Variants in RNF157 observed in about 807,000 individuals in gnomAD.
The protein encoded by RNF157 is ring finger protein 157, also known as E3 ubiquitin ligase RNF157.
In RNF157, 55 loss-of-function variants were observed where a neutral mutation model predicts 88.3. The observed-to-expected ratio is 0.62, with a 90% CI of 0.50 to 0.78. RNF157 has a LOEUF of 0.78. RNF157 is among the 30% of genes least tolerant of loss of function. RNF157 has a pLI of 0.00. For missense variants in RNF157, 788 were observed against 860.8 expected (o/e 0.92, Z 1.06); for synonymous variants, 334 against 341.2 (o/e 0.98, Z 0.23).
intron 2 of RNF157, among the ~76,000 whole-genome samples, chr17:76,191,894 G>A (rs1351686677): frequency 6.6e-6 from 1 of 152,110 alleles, no homozygotes; most frequent in Admixed American, 6.5e-5. Flanking sequence ...TGCTGCTTAG[G>A]GACAAAATTT....
intron 2 of RNF157, among the ~76,000 whole-genome samples, chr17:76,210,467 G>C (rs866575118): frequency 4.4e-4 from 67 of 150,568 alleles, no homozygotes; most frequent in South Asian, 6.3e-4. Context: ...GCGGGTGCCT[G>C]TAGTCCCAGC....
At chr17:76,226,590 T>A (rs2070090656) in intron 1 of RNF157, 1 of 1,613,456 alleles carries the variant, frequency 6.2e-7, no homozygotes, top group South Asian at 1.1e-5. Flanking sequence ...TCCTTGCTGT[T>A]GTTGGAGGGA....
In RNF157 at chr17:76,167,146, G is replaced by A; in HGVS notation, c.444-20C>T. On this transcript the variant is annotated intron_variant, in intron 4 of 18. Transcript: ENST00000269391. ...ATGTAGCTATTGATACAAGTGGGAG[G>A]CAAAGCAAAAGTCAGTATCCGGCAC... is the stretch of plus-strand genomic sequence containing the variant. 1.9e-6 allele frequency: 3 copies of A among 1,589,462 alleles called. No individual in the cohort carries two copies. Among genetic ancestry groups the A allele is most frequent in the Non-Finnish European group, 1.7e-6 (2 of 1,159,716 alleles).
Position 76,166,993 on chromosome 17 carries a change from C to T in RNF157, c.561+16G>A, listed in dbSNP as rs369102696. The T allele has an allele frequency of 7.4e-5, 118 of 1,584,552 alleles. 1 individual carries two copies. The African/African-American group carries it at 1.5e-3, about 20-fold the overall frequency. On this transcript the variant is annotated intron_variant, in intron 5 of 18. Transcript: ENST00000269391. ...TTCTGAGTGGATGTGGGAAACCCTCCCCAGAGGCAGCTCACCTCCTCTTCG... is the reference window on the plus strand; with the variant it reads ...TTCTGAGTGGATGTGGGAAACCCTCTCCAGAGGCAGCTCACCTCCTCTTCG...
intron 18 of RNF157, chr17:76,147,386 GCACCACCACCACCACCGCCGCCGC>G (rs1317420524): frequency 7.4e-5 from 72 of 977,206 alleles, no homozygotes; most frequent in Admixed American, 1.2e-4. Flanking sequence ...AAAAACAGCA[GCACCACCACCACCACCGCCGCCGC>G]CACCACCAGC....
Position 76,160,498 on chromosome 17 carries a change from A to G in RNF157, c.1066-925T>C, listed in dbSNP as rs1230900265. On this transcript the variant is annotated intron_variant, in intron 11 of 18. Coordinates refer to ENST00000269391, the MANE Select transcript of RNF157 (RefSeq NM_052916.3). The surrounding 1 kb of genome is among the most constrained non-coding windows in gnomAD (Gnocchi z 4.3). The stretch of plus-strand genomic sequence containing the variant: ...AAAGTTTTTAAAATTTGAAAGTTGG[A>G]AAATGGTATTCTCATATTTGCATAT... Among the ~76,000 whole-genome samples, 1 of 152,154 alleles carries G rather than the reference A, an allele frequency of 6.6e-6. No individual in the cohort carries two copies. Among genetic ancestry groups the G allele is most frequent in the African/African-American group, 2.4e-5 (1 of 41,432 alleles).
chr17:76,208,466 A>T (rs2069720690), intron 2 of RNF157, among the ~76,000 whole-genome samples: 1 of 152,198 alleles, frequency 6.6e-6, no homozygotes, highest in African/African-American at 2.4e-5. Context: ...TTTCATCATG[A>T]TGTGAGGACA....
intron 2 of RNF157, among the ~76,000 whole-genome samples, chr17:76,196,878 C>T (rs1267411002): frequency 6.6e-6 from 1 of 152,228 alleles, no homozygotes; most frequent in Non-Finnish European, 1.5e-5. Flanking sequence ...GTGGTACAAG[C>T]TGTACTCCAA....
chr17:76,181,826 T>A (rs2069193055), intron 2 of RNF157, among the ~76,000 whole-genome samples: 2 of 146,272 alleles, frequency 1.4e-5, no homozygotes, highest in Admixed American at 1.4e-4. Context: ...GAGAATCACT[T>A]GAACCCAGGA....
intron 1 of RNF157, among the ~76,000 whole-genome samples, chr17:76,239,782 C>A (rs1455012839): frequency 6.6e-6 from 1 of 152,142 alleles, no homozygotes; most frequent in East Asian, 1.9e-4. Context: ...TGGGCCGGGC[C>A]GGCCGGGTCC....
chr17:76,165,701 A>G (rs2068912670), intron 6 of RNF157, among the ~76,000 whole-genome samples, 156 bp from the exon 7 acceptor site: 1 of 151,578 alleles, frequency 6.6e-6, no homozygotes. Context: ...TTTTTGAGAC[A>G]GAGTCTGGCT....
chr17:76,158,433 G>A lies in RNF157; in HGVS notation c.1373C>T (p.Thr458Ile), dbSNP rs776418539. The change falls in exon 13 of 19, where the codon ACA (threonine) becomes ATA (isoleucine). Residue 458 changes from threonine to isoleucine, a missense_variant. Transcript: ENST00000269391. ...AACCGACGGTCTCTGAGAGAGCTGTGTCTCCGACTCGCTGCAGGAATGCTC... is the reference window on the plus strand; with the variant it reads ...AACCGACGGTCTCTGAGAGAGCTGTATCTCCGACTCGCTGCAGGAATGCTC... ...EDEHSCSESE[T>I]QLSQRPSVQH... 1.2e-6 allele frequency: 2 copies of A among 1,613,880 alleles called. No individual in the cohort carries two copies. Among genetic ancestry groups the A allele is most frequent in the Non-Finnish European group, 1.7e-6 (2 of 1,179,882 alleles).
At chr17:76,165,275 C>CCTTT (rs542580721) in intron 7 of RNF157, among the ~76,000 whole-genome samples, 5 of 152,068 alleles carry the variant, frequency 3.3e-5, no homozygotes, top group Admixed American at 6.6e-5. Flanking sequence ...TCCAGTCTAG[C>CCTTT]CTTTCTTTCT....
intron 2 of RNF157, among the ~76,000 whole-genome samples, chr17:76,200,709 A>T (rs1025309924): frequency 1.3e-5 from 2 of 152,206 alleles, no homozygotes; most frequent in South Asian, 2.1e-4. Context: ...CATGTATTAT[A>T]AGAATGCCTT....
At chr17:76,222,128 T>C (rs1161685963) in intron 1 of RNF157, among the ~76,000 whole-genome samples, 2 of 152,148 alleles carry the variant, frequency 1.3e-5, no homozygotes, top group Non-Finnish European at 2.9e-5. Context: ...GGTGGATCAC[T>C]TAAGGTCAGG....
chr17:76,227,903 T>C (rs919591739), intron 1 of RNF157, among the ~76,000 whole-genome samples: 1 of 152,042 alleles, frequency 6.6e-6, no homozygotes, highest in Non-Finnish European at 1.5e-5. Context: ...AAAGAGGTAG[T>C]GTCAGGTCCC....
intron 1 of RNF157, chr17:76,226,361 G>A (rs2070085107): frequency 6.3e-7 from 1 of 1,598,388 alleles, no homozygotes; most frequent in South Asian, 1.1e-5. Flanking sequence ...GTCGGGTTTT[G>A]TTAAACTTTC....
At chr17:76,162,218 A>C in intron 9 of RNF157, 1 of 591,544 alleles carries the variant, frequency 1.7e-6, no homozygotes, top group Non-Finnish European at 3.0e-6. Context: ...GAGACTAACC[A>C]CTCGAGCTCC....
chr17:76,169,871 G>A (rs923498125), intron 3 of RNF157, among the ~76,000 whole-genome samples: 2 of 152,110 alleles, frequency 1.3e-5, no homozygotes, highest in Admixed American at 1.3e-4. Context: ...GTGAGCCACC[G>A]CACCTGGCCT....
Sources: allele counts gnomAD v4.1 joint callset (sites outside exome capture counted in the v4.1 genomes callset), GRCh38; gene constraint gnomAD v4.1.1; non-coding constraint Gnocchi (gnomAD v3.1); transcripts MANE v1.5; gene names NCBI Gene and HGNC (gene_info 2026-07-23, HGNC 2026-07-21).